The following EYA2 variants were observed in gnomAD, a reference collection of about 807,000 sequenced individuals.
EYA2 encodes the protein protein phosphatase EYA2.
Under a neutral mutation model 69.2 loss-of-function variants are expected in EYA2, and 31 were observed. That is an observed-to-expected ratio of 0.45 (90% CI 0.34 to 0.60). EYA2 has a LOEUF of 0.60. Among genes scored for constraint, EYA2 ranks in the 20% least tolerant of loss-of-function variants. The probability of loss-of-function intolerance (pLI) is 0.02; values close to 1 mark genes in which losing one functional copy is unlikely to be tolerated. For synonymous variants in EYA2, 257 were observed against 279.4 expected, an observed-to-expected ratio of 0.92 and a Z score of 0.80; for missense variants, 622 against 701.2, an observed-to-expected ratio of 0.89 and a Z score of 1.28.
In EYA2 at chr20:47,117,270, A is replaced by G. The variant is rs151326884; in HGVS notation, c.888+20102A>G. On this transcript the variant is annotated intron_variant, in intron 9 of 15. Transcript: ENST00000327619. ...AATGATCCGCCCGCCTGGGCCTTCC[A>G]AAGTGCTGGGGTTACAGGCATGAGC... is the stretch of plus-strand genomic sequence containing the variant. The G allele has an allele frequency of 1.2e-3, 758 of 649,090 alleles. 7 individuals carry two copies. In the African/African-American group the frequency reaches 0.014, roughly 12 times the overall value. 40.2% of individuals were successfully genotyped at this position (649,090 alleles called of 1,614,324 possible).
At chr20:47,072,814 C>A (rs4544500) in intron 6 of EYA2, among the ~76,000 whole-genome samples, 31,978 of 152,070 alleles carry the variant, frequency 0.21, 3,513 homozygotes, top group Middle Eastern at 0.27. Flanking sequence ...TCCCTGTACA[C>A]CTAAAATTAT....
At chr20:47,137,654 AG>A (rs2033506636) in intron 9 of EYA2, among the ~76,000 whole-genome samples, 2 of 152,358 alleles carry the variant, frequency 1.3e-5, no homozygotes, top group South Asian at 4.1e-4. Flanking sequence ...TTCAGCAGGC[AG>A]CCCAGGATGA....
intron 9 of EYA2, among the ~76,000 whole-genome samples, chr20:47,111,579 G>A (rs781655951): frequency 5.3e-5 from 8 of 152,280 alleles, no homozygotes; most frequent in South Asian, 2.1e-4. Context: ...AGAGAGACCC[G>A]TCTTTAGTCC....
In EYA2 at chr20:47,172,764, C is replaced by T; in HGVS notation, c.1095C>T (p.Cys365=). 6.2e-7 allele frequency: 1 copy of T among 1,614,146 alleles called. No individual in the cohort carries two copies. Among genetic ancestry groups the T allele is most frequent in the Non-Finnish European group, 8.5e-7 (1 of 1,180,018 alleles). Residue 365 remains cysteine, a synonymous_variant, in exon 12 of 16, where the codon TGC becomes TGT. Transcript: ENST00000327619. ...FHSSAPGANL[C]LGSGVHGGVD... is the part of the protein sequence containing the mutation. ...GTTCGGCCCCAGGAGCCAACCTGTG[C>T]CTGGGCTCTGGCGTGCACGGCGGCG...
intron 1 of EYA2, among the ~76,000 whole-genome samples, chr20:46,960,561 C>A (rs986651774): frequency 6.6e-6 from 1 of 152,144 alleles, no homozygotes; most frequent in Non-Finnish European, 1.5e-5. Context: ...TGGCTGGGCT[C>A]CCGTCGTCCA....
intron 1 of EYA2, among the ~76,000 whole-genome samples, chr20:46,932,824 T>C (rs1985731019): frequency 6.6e-6 from 1 of 152,072 alleles, no homozygotes; most frequent in East Asian, 1.9e-4. Flanking sequence ...AGGCAGAGGT[T>C]GCAGTGAGCC....
chr20:46,910,671 C>T lies in EYA2; in HGVS notation c.-11+15684C>T, dbSNP rs77694468. Among the ~76,000 whole-genome samples the T allele has an allele frequency of 1.1e-4, 16 of 152,282 alleles. No homozygotes were observed. The East Asian group carries it at 2.5e-3, about 24-fold the overall frequency. ...TTTTTCTGCTCTGAGCTTTTGCTCC[C>T]GTTGCTGCCTGTATTGAACTTTCTC... On this transcript the variant is annotated intron_variant, in intron 1 of 15. Coordinates refer to ENST00000327619, the MANE Select transcript of EYA2 (RefSeq NM_005244.5).
intron 5 of EYA2, among the ~76,000 whole-genome samples, chr20:47,032,865 C>G (rs1164708649): frequency 1.3e-5 from 2 of 152,212 alleles, no homozygotes; most frequent in African/African-American, 2.4e-5. Context: ...TTGAAATGGA[C>G]AAAACTTCCC....
chr20:47,134,959 CTACTAAAAA>C (rs2033425782), intron 9 of EYA2, among the ~76,000 whole-genome samples: 1 of 151,974 alleles, frequency 6.6e-6, no homozygotes, highest in South Asian at 2.1e-4. Flanking sequence ...AACCCCGTCT[CTACTAAAAA>C]TACAAAAAAT....
intron 1 of EYA2, among the ~76,000 whole-genome samples, chr20:46,964,750 T>A (rs1282636437): frequency 6.6e-6 from 1 of 152,208 alleles, no homozygotes; most frequent in East Asian, 1.9e-4. Context: ...AGGATGTTAC[T>A]TGCCCAAGGT....
chr20:47,140,401 G>A (rs1477521250), intron 9 of EYA2, among the ~76,000 whole-genome samples: 2 of 152,036 alleles, frequency 1.3e-5, no homozygotes, highest in Non-Finnish European at 2.9e-5. Flanking sequence ...ACAGTTGTGT[G>A]TGTGAAGCTG....
chr20:47,042,681 G>A lies in EYA2; in HGVS notation c.415+26384G>A, dbSNP rs577155313. ...ATTCAGCCACCAGCAACAGAGAACC[G>A]AGTGTCCCAGCTTCCCTCTGTCGGT... On this transcript the variant is annotated intron_variant, in intron 5 of 15. Transcript: ENST00000327619. Among the ~76,000 whole-genome samples the A allele has an allele frequency of 3.9e-5, 6 of 152,252 alleles. No homozygotes were observed. In the South Asian group the frequency reaches 6.2e-4, roughly 16 times the overall value.
At chr20:46,897,858 C>T (rs949959077) in intron 1 of EYA2, among the ~76,000 whole-genome samples, 1 of 152,064 alleles carries the variant, frequency 6.6e-6, no homozygotes, top group African/African-American at 2.4e-5. Flanking sequence ...GGGCAGGCCT[C>T]CTTCATACAA....
chr20:46,999,275 T>C (rs6018220), intron 2 of EYA2, among the ~76,000 whole-genome samples: 9,080 of 152,244 alleles, frequency 0.06, 675 homozygotes, highest in East Asian at 0.28. Flanking sequence ...GGAATGAGAT[T>C]GTGGCTGCTT....
At chr20:46,942,321 C>A (rs185132081) in intron 1 of EYA2, among the ~76,000 whole-genome samples, 1 of 152,124 alleles carries the variant, frequency 6.6e-6, no homozygotes, top group African/African-American at 2.4e-5. Flanking sequence ...GATCTTCCCA[C>A]CTCAGCCTCC....
intron 5 of EYA2, among the ~76,000 whole-genome samples, chr20:47,039,111 T>TCACACACACACACACACACA (rs11467574): frequency 2.4e-4 from 36 of 149,868 alleles, no homozygotes; most frequent in African/African-American, 8.9e-4. Context: ...GATGTCGAAA[T>TCACACACACACACACACACA]CACACACACA....
chr20:47,009,808 G>A (rs2146359382), intron 4 of EYA2, among the ~76,000 whole-genome samples: 1 of 152,362 alleles, frequency 6.6e-6, no homozygotes, highest in South Asian at 2.1e-4. Flanking sequence ...AACAACAGAT[G>A]ACATTTGGCC....
intron 1 of EYA2, among the ~76,000 whole-genome samples, chr20:46,951,424 C>A (rs1026139379): frequency 1.3e-5 from 2 of 152,182 alleles, no homozygotes; most frequent in African/African-American, 4.8e-5. Context: ...CCTGAATTAA[C>A]CCCTTCCTGC....
At chr20:47,023,081 A>G (rs4809612) in intron 5 of EYA2, among the ~76,000 whole-genome samples, 41,714 of 151,892 alleles carry the variant, frequency 0.27, 5,758 homozygotes, top group South Asian at 0.32. Flanking sequence ...AACAGGTTAC[A>G]CATTTACCTA....
Sources: allele counts gnomAD v4.1 joint callset (sites outside exome capture counted in the v4.1 genomes callset), GRCh38; gene constraint gnomAD v4.1.1; transcripts MANE v1.5; gene names NCBI Gene and HGNC (gene_info 2026-07-23, HGNC 2026-07-21).